NUP93: variants seen among roughly 807,000 people sequenced by gnomAD.
The protein encoded by NUP93 is nucleoporin 93, also known as nuclear pore complex protein Nup93.
NUP93 carries 55 observed loss-of-function variants against 107.8 expected under a neutral mutation model. The observed-to-expected ratio is 0.51, with a 90% CI of 0.41 to 0.64. NUP93 has a LOEUF of 0.64. NUP93 is among the 30% of genes least tolerant of loss of function. The pLI is 0.00. For synonymous variants in NUP93, 390 were observed against 397.5 expected, an observed-to-expected ratio of 0.98 and a Z score of 0.22; for missense variants, 937 against 1,044.7, an observed-to-expected ratio of 0.90 and a Z score of 1.42.
intron 8 of NUP93, among the ~76,000 whole-genome samples, chr16:56,826,157 T>TG (rs1230094067): frequency 3.3e-5 from 5 of 152,202 alleles, no homozygotes; most frequent in Non-Finnish European, 7.3e-5. Context: ...GAGACCATAG[T>TG]GGGCATCTGT....
intron 17 of NUP93, among the ~76,000 whole-genome samples, chr16:56,837,275 G>C (rs1184983242): frequency 6.6e-6 from 1 of 152,184 alleles, no homozygotes; most frequent in Non-Finnish European, 1.5e-5. Flanking sequence ...CAAAAAAACA[G>C]CTATAGGCCA....
rs1188027635 is a variant in NUP93, at chr16:56,827,044, C to CAAAAAAAAAAAAAAA, written c.795-1922_795-1908dup. Reference sequence around the variant, plus strand: ...CTGGGGATGGAATGAGACTCCGTCTCAAAAAAAAAAAAAAAAAAAAAAAAA... The same window carrying CAAAAAAAAAAAAAAA: ...CTGGGGATGGAATGAGACTCCGTCTCAAAAAAAAAAAAAAAAAAAAAAAAAAAAAAAAAAAAAAAA... On this transcript the variant is annotated intron_variant, in intron 8 of 21. Transcript: ENST00000308159. Among the ~76,000 whole-genome samples, 85 of 53,588 alleles carry CAAAAAAAAAAAAAAA rather than the reference C, an allele frequency of 1.6e-3. 4 individuals are homozygous for CAAAAAAAAAAAAAAA. The highest frequency in any genetic ancestry group is 0.016 in the Middle Eastern group (1 of 64). The allele number at this position is 53,588 out of a possible 152,430, so 35.2% of individuals were successfully genotyped here.
intron 3 of NUP93, among the ~76,000 whole-genome samples, chr16:56,768,363 A>C (rs1380313971): frequency 2.0e-5 from 3 of 151,686 alleles, no homozygotes; most frequent in Admixed American, 2.0e-4. Context: ...CGGGAGTTTG[A>C]GACCAGCCTG....
intron 13 of NUP93, among the ~76,000 whole-genome samples, chr16:56,833,917 T>A (rs1176806393): frequency 6.6e-6 from 1 of 152,186 alleles, no homozygotes; most frequent in Non-Finnish European, 1.5e-5. Context: ...ATTAGTAATT[T>A]ATGGCAAAGT....
intron 3 of NUP93, among the ~76,000 whole-genome samples, chr16:56,794,362 C>T (rs1178697245): frequency 5.3e-5 from 8 of 151,946 alleles, no homozygotes; most frequent in East Asian, 3.9e-4. Context: ...CACACACACA[C>T]GCTTCATTTA....
At chr16:56,777,504 CTCT>C (rs1362142773) in intron 3 of NUP93, among the ~76,000 whole-genome samples, 2 of 152,038 alleles carry the variant, frequency 1.3e-5, no homozygotes, top group Admixed American at 1.3e-4. Context: ...CAGAAATCTT[CTCT>C]TTTTTTTATT....
At chr16:56,808,241 T>TATAACTATATAAAATATATA (rs1567398461) in intron 5 of NUP93, among the ~76,000 whole-genome samples, 3 of 96,072 alleles carry the variant, frequency 3.1e-5, no homozygotes, top group Non-Finnish European at 3.7e-5. Context: ...TATATAGTTA[T>TATAACTATATAAAATATATA]GTAACTATAT....
intron 8 of NUP93, 59 bp downstream of exon 8, chr16:56,823,905 T>C: frequency 1.3e-6 from 2 of 1,588,782 alleles, no homozygotes; most frequent in Non-Finnish European, 1.7e-6. Flanking sequence ...CAACTGTTTC[T>C]CAGATCTTAA....
At chr16:56,815,902 C>G (rs867665944) in intron 5 of NUP93, among the ~76,000 whole-genome samples, 4 of 133,084 alleles carry the variant, frequency 3.0e-5, no homozygotes, top group South Asian at 4.8e-4. Context: ...GCTGCTGGTG[C>G]TGCTGCTGCT....
At chr16:56,732,143 C>G (rs1597097212) in intron 1 of NUP93, among the ~76,000 whole-genome samples, 1 of 152,216 alleles carries the variant, frequency 6.6e-6, no homozygotes, top group Non-Finnish European at 1.5e-5. Context: ...GTGAGGCTTT[C>G]CCCATTTCCC....
rs1483801148 is a variant in NUP93, at chr16:56,845,320, TGTG to T, written c.*712_*714del. 6.6e-6 allele frequency: 1 copy of T among 152,510 alleles called. No individual in the cohort carries two copies. The highest frequency in any genetic ancestry group is 1.5e-5 in the Non-Finnish European group (1 of 68,234). 9.4% of individuals were successfully genotyped at this position (152,510 alleles called of 1,614,324 possible). A position where few individuals can be genotyped will look rare whatever the true frequency, so the allele number is the denominator to read the frequency against. ...CTGCACTCCTCTGTAGCTGCTCCACTGTGAGTTGACTGCTCGGCCTTGTACACA... is the reference window on the plus strand; with the variant it reads ...CTGCACTCCTCTGTAGCTGCTCCACTAGTTGACTGCTCGGCCTTGTACACA... On this transcript the variant is annotated 3_prime_UTR_variant, in exon 22 of 22. Transcript: ENST00000308159.
chr16:56,840,841 A>G (rs541643089), intron 20 of NUP93, among the ~76,000 whole-genome samples: 39 of 152,282 alleles, frequency 2.6e-4, no homozygotes, highest in Admixed American at 8.5e-4. Context: ...ACTAAAAAAT[A>G]CAAAAATTAG....
intron 5 of NUP93, among the ~76,000 whole-genome samples, chr16:56,807,111 CTT>C (rs1433930568): frequency 6.6e-6 from 1 of 152,226 alleles, no homozygotes; most frequent in East Asian, 1.9e-4. Flanking sequence ...CCAAGCTCAT[CTT>C]GTGCTGCTTT....
intron 3 of NUP93, chr16:56,782,071 C>A: frequency 1.0e-6 from 1 of 985,412 alleles, no homozygotes. Flanking sequence ...CTCCCCACCC[C>A]CATCCCTCAA....
At chr16:56,840,614 A>G (rs746273592) in intron 20 of NUP93, among the ~76,000 whole-genome samples, 4 of 152,210 alleles carry the variant, frequency 2.6e-5, no homozygotes, top group Non-Finnish European at 5.9e-5. Flanking sequence ...TGTCGACACT[A>G]TAGACTCTAG....
intron 5 of NUP93, among the ~76,000 whole-genome samples, chr16:56,814,432 C>T (rs1413552779): frequency 2.3e-4 from 35 of 152,166 alleles, no homozygotes; most frequent in African/African-American, 4.8e-5. Context: ...TCAAGTGATC[C>T]GCCTGCCTCA....
Position 56,821,573 on chromosome 16 carries a change from G to A in NUP93, c.634G>A (p.Val212Ile), listed in dbSNP as rs79070284. The A allele has an allele frequency of 3.1e-6, 5 of 1,612,770 alleles. No homozygotes were observed. In the African/African-American group the frequency reaches 4.0e-5, roughly 13 times the overall value. The change falls in exon 7 of 22, where the codon GTC (valine) becomes ATC (isoleucine). Residue 212 changes from valine (V) to isoleucine (I), a missense_variant. Transcript: ENST00000308159. ...QPNLVDLCAS[V>I]AELDDKSISD... ...TAACCTGGTGGACCTTTGTGCTTCC[G>A]TCGCAGAGCTCGATGATAAGGTAGC...
intron 5 of NUP93, among the ~76,000 whole-genome samples, 181 bp from the exon 6 acceptor site, chr16:56,818,483 G>A (rs557464453): frequency 9.9e-5 from 15 of 152,184 alleles, no homozygotes; most frequent in Non-Finnish European, 1.9e-4. Flanking sequence ...CTTCTCATGT[G>A]TTCATAGTAA....
At chr16:56,810,270 G>A (rs1428805633) in intron 5 of NUP93, among the ~76,000 whole-genome samples, 1 of 152,268 alleles carries the variant, frequency 6.6e-6, no homozygotes, top group South Asian at 2.1e-4. Flanking sequence ...TACAGATTTT[G>A]TTGTTTGTTG....
Sources: gnomAD v4.1 joint callset for allele counts (sites outside exome capture counted in the v4.1 genomes callset) on GRCh38, gnomAD v4.1.1 for gene constraint, MANE v1.5 for transcripts, NCBI Gene and HGNC (gene_info 2026-07-23, HGNC 2026-07-21) for gene names.